Variants in COL13A1 observed in about 807,000 individuals in gnomAD.
COL13A1 encodes collagen type XIII alpha 1 chain, also known as collagen alpha-1(XIII) chain.
In COL13A1, 89 loss-of-function variants were observed where a neutral mutation model predicts 130.9. The ratio of observed to expected loss-of-function variants is 0.68; its 90% CI spans 0.57 to 0.81. The LOEUF is 0.81. Among genes scored for constraint, COL13A1 ranks in the 30% least tolerant of loss-of-function variants. The pLI is 0.00. For missense variants in COL13A1, 879 were observed against 934.6 expected (o/e 0.94, Z 0.78); for synonymous variants, 402 against 341.6 (o/e 1.18, Z -1.95).
At chr10:69,953,365 C>T (rs1436488034) in intron 39 of COL13A1, among the ~76,000 whole-genome samples, 1 of 152,184 alleles carries the variant, frequency 6.6e-6, no homozygotes, top group East Asian at 1.9e-4. Context: ...GCCAGTAGTT[C>T]AAGCTGTCTG....
intron 35 of COL13A1, among the ~76,000 whole-genome samples, chr10:69,941,634 C>G (rs182044230): frequency 4.7e-4 from 71 of 152,316 alleles, no homozygotes; most frequent in African/African-American, 1.5e-3. Flanking sequence ...CCCAACATGG[C>G]AGTTCACTAC....
intron 36 of COL13A1, 127 bp from the exon 37 acceptor site, chr10:69,945,544 C>T (rs2068373332): frequency 7.6e-7 from 1 of 1,310,078 alleles, no homozygotes; most frequent in Non-Finnish European, 1.1e-6. Context: ...TTCCCATAGC[C>T]CTTGCTTCCC....
intron 36 of COL13A1, among the ~76,000 whole-genome samples, chr10:69,944,436 A>G (rs966416863): frequency 6.6e-6 from 1 of 152,188 alleles, no homozygotes; most frequent in Non-Finnish European, 1.5e-5. Flanking sequence ...TGGGAGGATC[A>G]CTTGAGCTCA....
At chr10:69,881,473 G>A (rs1389571208) in intron 7 of COL13A1, among the ~76,000 whole-genome samples, 1 of 152,206 alleles carries the variant, frequency 6.6e-6, no homozygotes, top group African/African-American at 2.4e-5. Flanking sequence ...AGAGGGAGAG[G>A]GGCCAGAGAA....
chr10:69,884,725 T>A (rs1471274027), intron 7 of COL13A1, among the ~76,000 whole-genome samples: 1 of 152,356 alleles, frequency 6.6e-6, no homozygotes, highest in Middle Eastern at 3.4e-3. Flanking sequence ...CTATTTTGTA[T>A]ACATTTAATG....
intron 14 of COL13A1, among the ~76,000 whole-genome samples, chr10:69,899,703 A>G (rs961534270): frequency 6.6e-6 from 1 of 152,232 alleles, no homozygotes; most frequent in Non-Finnish European, 1.5e-5. Context: ...CACAAAGAAC[A>G]AAGCCATCTG....
chr10:69,853,386 A>G (rs1200196774), intron 2 of COL13A1, among the ~76,000 whole-genome samples: 1 of 151,972 alleles, frequency 6.6e-6, no homozygotes, highest in Non-Finnish European at 1.5e-5. Context: ...AGTGACCTCG[A>G]CTCAGCTTCT....
At chr10:69,807,552 C>G (rs1408552601) in intron 1 of COL13A1, among the ~76,000 whole-genome samples, 1 of 152,194 alleles carries the variant, frequency 6.6e-6, no homozygotes, top group Non-Finnish European at 1.5e-5. Flanking sequence ...GGGATCAAAG[C>G]AGCAGCTGAA....
intron 13 of COL13A1, chr10:69,897,385 G>A (rs2061751158): frequency 1.5e-6 from 2 of 1,328,530 alleles, no homozygotes; most frequent in South Asian, 1.3e-5. Flanking sequence ...AGAGGAGAGG[G>A]GTGGGGAGCA....
intron 5 of COL13A1, chr10:69,877,272 T>C (rs548655743): frequency 6.6e-6 from 1 of 152,606 alleles, no homozygotes; most frequent in Non-Finnish European, 1.5e-5. Flanking sequence ...GTCCATCTAC[T>C]GGTCACTGTT....
chr10:69,827,245 A>G (rs1427479887), intron 2 of COL13A1, among the ~76,000 whole-genome samples: 2 of 152,164 alleles, frequency 1.3e-5, no homozygotes, highest in African/African-American at 4.8e-5. Context: ...GGGTGGGAGG[A>G]GATGTCAAGA....
At chr10:69,851,689 C>G (rs1310376170) in intron 2 of COL13A1, among the ~76,000 whole-genome samples, 1 of 152,100 alleles carries the variant, frequency 6.6e-6, no homozygotes, top group Non-Finnish European at 1.5e-5. Context: ...GAGTCTCACT[C>G]TGTTGTCCAG....
At position 69,802,385 on chromosome 10, in the gene COL13A1, T is replaced by A; in HGVS notation, c.-39T>A. ...TGGCAGCGGCTGTCGCCTTTATTTA[T>A]TCTATTTATTTATTTATTGGTTCTC... On this transcript the variant is annotated 5_prime_UTR_variant, in exon 1 of 41. Transcript: ENST00000645393. The A allele has an allele frequency of 7.0e-7, 1 of 1,429,018 alleles. No individual in the cohort carries two copies. Among genetic ancestry groups the A allele is most frequent in the East Asian group, 2.9e-5 (1 of 34,338 alleles). 88.5% of individuals were successfully genotyped at this position (1,429,018 alleles called of 1,614,324 possible). A position where few individuals can be genotyped will look rare whatever the true frequency, so the allele number is the denominator to read the frequency against.
chr10:69,807,233 A>G (rs912376768), intron 1 of COL13A1, among the ~76,000 whole-genome samples: 9 of 152,276 alleles, frequency 5.9e-5, no homozygotes, highest in African/African-American at 2.2e-4. Flanking sequence ...AATCCTCACA[A>G]CTTCCCTAAG....
intron 2 of COL13A1, among the ~76,000 whole-genome samples, chr10:69,834,527 G>C (rs1000676880): frequency 3.9e-5 from 6 of 152,202 alleles, no homozygotes; most frequent in Non-Finnish European, 8.8e-5. Context: ...CTTGGGCCTT[G>C]TGCTTTAAAT....
At chr10:69,945,389 CCT>C (rs1258081859) in intron 36 of COL13A1, among the ~76,000 whole-genome samples, 9 of 152,206 alleles carry the variant, frequency 5.9e-5, no homozygotes, top group Non-Finnish European at 5.9e-5. Flanking sequence ...TTTCTTCGCC[CCT>C]GTTTCAGCCT....
intron 19 of COL13A1, 51 bp from the exon 20 acceptor site, chr10:69,919,011 T>C: frequency 6.2e-7 from 1 of 1,612,832 alleles, no homozygotes; most frequent in Non-Finnish European, 8.5e-7. Context: ...GCCTTGCTCA[T>C]TTGTTTCTGC....
At chr10:69,886,772 T>C (rs2060632091) in intron 7 of COL13A1, among the ~76,000 whole-genome samples, 1 of 152,194 alleles carries the variant, frequency 6.6e-6, no homozygotes, top group African/African-American at 2.4e-5. Context: ...TGAATCTTGA[T>C]CATAAACCAC....
intron 17 of COL13A1, among the ~76,000 whole-genome samples, chr10:69,907,394 G>A (rs940598082): frequency 6.6e-6 from 1 of 152,194 alleles, no homozygotes; most frequent in African/African-American, 2.4e-5. Context: ...TTGAAGGCTG[G>A]GAAGCCGACA....
Sources: allele counts gnomAD v4.1 joint callset (sites outside exome capture counted in the v4.1 genomes callset), GRCh38; gene constraint gnomAD v4.1.1; transcripts MANE v1.5; gene names NCBI Gene and HGNC (gene_info 2026-07-23, HGNC 2026-07-21).